HEATR4: variants seen among roughly 807,000 people sequenced by gnomAD.
HEATR4 encodes the protein HEAT repeat containing 4.
Under a neutral mutation model 108.8 loss-of-function variants are expected in HEATR4, and 95 were observed. The observed-to-expected ratio is 0.87, with a 90% CI of 0.74 to 1.04. The LOEUF is 1.04. Among genes scored for constraint, HEATR4 ranks in the 50% least tolerant of loss-of-function variants. HEATR4 has a pLI of 0.00. For synonymous variants in HEATR4, 443 were observed against 459.4 expected (o/e 0.96, Z 0.46); for missense variants, 1,152 against 1,253.8 (o/e 0.92, Z 1.23).
At chr14:73,593,636 T>G in the HEATR4 span, 15 of 1,460,004 alleles carry the variant, frequency 1.0e-5, no homozygotes, top group Non-Finnish European at 1.4e-5. Context: ...AACCACAGTG[T>G]CCAGCCAGGA....
At position 73,545,967 on chromosome 14, in the gene HEATR4, A is replaced by G. The variant is rs1382381175; in HGVS notation, c.-152+12784T>C. Among the ~76,000 whole-genome samples, 3 of 113,734 alleles carry G rather than the reference A, an allele frequency of 2.6e-5. 1 individual carries two copies. The highest frequency in any genetic ancestry group is 5.7e-5 in the Non-Finnish European group (3 of 52,274). The allele number at this position is 113,734 out of a possible 152,430, so 74.6% of individuals were successfully genotyped here. On this transcript the variant is annotated intron_variant, in intron 1 of 17. Transcript: ENST00000553558. ...GAGTTCAAGCCAGCCTGGGTAACAT[A>G]GTGGGACACCATCTTATAAAAACAA...
chr14:73,502,541 A>C (rs543960519), intron 11 of HEATR4, among the ~76,000 whole-genome samples: 1 of 149,880 alleles, frequency 6.7e-6, no homozygotes, highest in Admixed American at 6.7e-5. Flanking sequence ...GCTGGATCCC[A>C]GGCCTCCTAA....
At position 73,548,425 on chromosome 14, in the gene HEATR4, G is replaced by C. The variant is rs1566852895; in HGVS notation, c.-152+10326C>G. Among the ~76,000 whole-genome samples the C allele has an allele frequency of 1.7e-5, 2 of 114,858 alleles. 1 individual carries two copies. Among genetic ancestry groups the C allele is most frequent in the East Asian group, 1.4e-3 (2 of 1,438 alleles). The allele number at this position is 114,858 out of a possible 152,430, so 75.4% of individuals were successfully genotyped here. Reference sequence around the variant, plus strand: ...GTGGCGTGACCTGCTCCACTGGCTTGTTTTGAAGTATTGTTTCATCTGGTG... The same window carrying C: ...GTGGCGTGACCTGCTCCACTGGCTTCTTTTGAAGTATTGTTTCATCTGGTG... On this transcript the variant is annotated intron_variant, in intron 1 of 17. Coordinates refer to ENST00000553558, the MANE Select transcript of HEATR4 (RefSeq NM_001220484.1).
At chr14:73,497,052 TGCC>T (rs1457259592) in intron 14 of HEATR4, among the ~76,000 whole-genome samples, 1 of 152,190 alleles carries the variant, frequency 6.6e-6, no homozygotes, top group Non-Finnish European at 1.5e-5. Flanking sequence ...CGTGCCATCA[TGCC>T]CAGCTAGTTT....
the HEATR4 span, among the ~76,000 whole-genome samples, chr14:73,587,522 A>G: frequency 6.6e-6 from 1 of 151,876 alleles, no homozygotes; most frequent in Admixed American, 6.6e-5. Context: ...CACCCAGCTA[A>G]TTTTTGCATT....
chr14:73,537,401 A>G lies in HEATR4; in HGVS notation c.-151-7157T>C, dbSNP rs113717902. The G allele has an allele frequency of 4.9e-6, 6 of 1,233,718 alleles. 3 individuals are homozygous for G. The highest frequency in any genetic ancestry group is 6.4e-6 in the Non-Finnish European group (6 of 931,404). 76.4% of individuals were successfully genotyped at this position (1,233,718 alleles called of 1,614,324 possible). On this transcript the variant is annotated intron_variant, in intron 1 of 17. Coordinates refer to ENST00000553558, the MANE Select transcript of HEATR4 (RefSeq NM_001220484.1). ...TCCACAGCTGAGGCAGTTTGGCCGG[A>G]TTATTTGGGTTCCTGCTCGGATGGC...
chr14:73,480,229 G>A (rs1237216215), intron 17 of HEATR4, among the ~76,000 whole-genome samples: 1 of 151,910 alleles, frequency 6.6e-6, no homozygotes, highest in African/African-American at 2.4e-5. Flanking sequence ...CTCACTTGAG[G>A]TCGGGAGTTC....
the HEATR4 span, chr14:73,574,412 G>A: frequency 1.8e-5 from 4 of 226,240 alleles, no homozygotes; most frequent in Middle Eastern, 1.8e-3. Flanking sequence ...CTACAGGCAC[G>A]TGCCACTACT....
the HEATR4 span, chr14:73,613,175 T>C: frequency 1.5e-5 from 7 of 458,508 alleles, no homozygotes; most frequent in African/African-American, 1.2e-4. Flanking sequence ...GCGTCCGCTG[T>C]TGCCCAGGCT....
Position 73,522,388 on chromosome 14 carries a change from G to A in HEATR4, c.765C>T (p.Asp255=), listed in dbSNP as rs1435335134. 1 of 1,614,232 alleles carries A rather than the reference G, an allele frequency of 6.2e-7. No homozygotes were observed. Among genetic ancestry groups the A allele is most frequent in the Non-Finnish European group, 8.5e-7 (1 of 1,180,032 alleles). ...HIRDELTSAS[D]LELLKQLEAE... ...CCTCCAGCTGTTTCAGGAGCTCCAG[G>A]TCACTGGCAGAGGTAAGCTCATCCC... The change falls in exon 3 of 18, where the codon GAC becomes GAT. Residue 255 remains aspartate, a synonymous_variant. Coordinates refer to ENST00000553558, the MANE Select transcript of HEATR4 (RefSeq NM_001220484.1).
At chr14:73,516,895 C>G (rs965203364) in intron 5 of HEATR4, among the ~76,000 whole-genome samples, 2 of 152,194 alleles carry the variant, frequency 1.3e-5, no homozygotes, top group Admixed American at 6.5e-5. Context: ...ATCCCCACCC[C>G]GCTGGTCTGT....
Position 73,495,380 on chromosome 14 carries a change from G to A in HEATR4, c.2633C>T (p.Thr878Ile). ...TGTCAGCAAGTCCTTTTGGCTTAGT[G>A]TTTTAATCTAAATTAGAACAAATAA... The part of the protein sequence containing the change: ...MLQEIKNRIK[T>I]LSQKDLLTHK... Residue 878 changes from threonine to isoleucine, a missense_variant, in exon 16 of 18, where the codon ACA becomes ATA. Transcript: ENST00000553558. 1 of 1,612,652 alleles carries A rather than the reference G, an allele frequency of 6.2e-7. No individual in the cohort carries two copies. Among genetic ancestry groups the A allele is most frequent in the Non-Finnish European group, 8.5e-7 (1 of 1,179,136 alleles).
At chr14:73,532,784 C>T (rs1329093792) in intron 1 of HEATR4, among the ~76,000 whole-genome samples, 1 of 113,044 alleles carries the variant, frequency 8.8e-6, no homozygotes, top group African/African-American at 2.9e-5. Context: ...AAAACCCCAT[C>T]TCTACTAAAA....
At chr14:73,546,975 T>C (rs2140317609) in intron 1 of HEATR4, among the ~76,000 whole-genome samples, 1 of 100,018 alleles carries the variant, frequency 1.0e-5, no homozygotes, top group African/African-American at 2.9e-5. Context: ...TAATCCCAGC[T>C]ACTTGGGAGG....
At chr14:73,569,334 C>G in the HEATR4 span, 2 of 1,613,976 alleles carry the variant, frequency 1.2e-6, no homozygotes, top group Non-Finnish European at 8.5e-7. Context: ...TCGAGCGTCC[C>G]GGCTGTACCA....
intron 6 of HEATR4, among the ~76,000 whole-genome samples, chr14:73,512,801 G>A (rs1317608923): frequency 6.6e-6 from 1 of 152,128 alleles, no homozygotes; most frequent in Non-Finnish European, 1.5e-5. Context: ...CCTATTATCT[G>A]TAGGTGTTTC....
rs565784374 is a variant in HEATR4 at position 73,504,444 on chromosome 14, G to A, written c.1987-1431C>T. ...TTTTTAGTAGAGACAGGGTTTCACC[G>A]TGTTAGCCAGGATGGTCTCGATCTC... is the stretch of plus-strand genomic sequence containing the variant. On this transcript the variant is annotated intron_variant, in intron 10 of 17. Transcript: ENST00000553558. Among the ~76,000 whole-genome samples the A allele has an allele frequency of 5.3e-5, 8 of 152,034 alleles. No individual in the cohort carries two copies. In the South Asian group the frequency reaches 6.2e-4, roughly 12 times the overall value.
intron 17 of HEATR4, among the ~76,000 whole-genome samples, chr14:73,484,200 T>C (rs532065233): frequency 6.6e-6 from 1 of 151,804 alleles, no homozygotes; most frequent in East Asian, 1.9e-4. Context: ...GTGACATCAT[T>C]TTTCAAAATT....
chr14:73,478,555 T>G lies in HEATR4; in HGVS notation c.*51A>C, dbSNP rs1416282165. ...TACAGTATCAATTAAAAAGACCCAA[T>G]GTGACCAGGTCCACTGCTTCCTGCA... On this transcript the variant is annotated 3_prime_UTR_variant, in exon 18 of 18. Coordinates refer to ENST00000553558, the MANE Select transcript of HEATR4 (RefSeq NM_001220484.1). 8.2e-7 allele frequency: 1 copy of G among 1,215,102 alleles called. No homozygotes were observed. Among genetic ancestry groups the G allele is most frequent in the Non-Finnish European group, 1.2e-6 (1 of 829,478 alleles). The allele number at this position is 1,215,102 out of a possible 1,614,324, so 75.3% of individuals were successfully genotyped here. A position where few individuals can be genotyped will look rare whatever the true frequency, so the allele number is the denominator to read the frequency against.
Sources: allele counts gnomAD v4.1 joint callset (sites outside exome capture counted in the v4.1 genomes callset), GRCh38; gene constraint gnomAD v4.1.1; transcripts MANE v1.5; gene names NCBI Gene and HGNC (gene_info 2026-07-23, HGNC 2026-07-21).